The following HMCN1 variants were observed in gnomAD, a reference collection of about 807,000 sequenced individuals.
HMCN1 encodes hemicentin-1.
A neutral mutation model predicts 625.9 loss-of-function variants in HMCN1; 321 were observed. That is an observed-to-expected ratio of 0.51 (90% CI 0.47 to 0.56). The LOEUF (loss-of-function observed/expected upper bound fraction) is 0.56. HMCN1 is among the 20% of genes least tolerant of loss of function. The pLI is 0.00. For missense variants in HMCN1, 6,588 were observed against 6,887.3 expected (o/e 0.96, Z 1.54); for synonymous variants, 2,425 against 2,417.6 (o/e 1.00, Z -0.09).
At chr1:186,054,046 C>T (rs1657144643) in intron 44 of HMCN1, 60 bp downstream of exon 44, 1 of 1,495,998 alleles carries the variant, frequency 6.7e-7, no homozygotes, top group Non-Finnish European at 9.2e-7. Context: ...TCATCCTTCT[C>T]ATTTACTTTT....
At chr1:186,165,067 C>T in intron 97 of HMCN1, 44 bp from the exon 98 acceptor site, 1 of 1,549,520 alleles carries the variant, frequency 6.5e-7, no homozygotes, top group Non-Finnish European at 8.9e-7. Flanking sequence ...CCAGGGGCAA[C>T]TATTCCAATA....
At chr1:185,761,460 C>T (rs1655496574) in intron 1 of HMCN1, among the ~76,000 whole-genome samples, 1 of 152,138 alleles carries the variant, frequency 6.6e-6, no homozygotes, top group Non-Finnish European at 1.5e-5. Flanking sequence ...AAACCCTTTC[C>T]CCATGAGCCT....
At chr1:185,943,483 G>A (rs1253079473) in intron 11 of HMCN1, among the ~76,000 whole-genome samples, 1 of 152,184 alleles carries the variant, frequency 6.6e-6, no homozygotes, top group African/African-American at 2.4e-5. Flanking sequence ...CTGTTGAGTG[G>A]TATTAGAGTA....
chr1:186,130,188 T>C, intron 84 of HMCN1, 88 bp downstream of exon 84: 1 of 1,532,074 alleles, frequency 6.5e-7, no homozygotes, highest in Non-Finnish European at 9.0e-7. Context: ...TAATAAAATA[T>C]AACTTCAAGT....
At chr1:186,030,588 G>A (rs1036611557) in intron 36 of HMCN1, among the ~76,000 whole-genome samples, 1 of 151,820 alleles carries the variant, frequency 6.6e-6, no homozygotes, top group African/African-American at 2.4e-5. Context: ...TCTAAAGTGT[G>A]CTATTATAGG....
At chr1:186,003,896 G>A (rs752381173) in intron 29 of HMCN1, 52 bp downstream of exon 29, 4 of 1,562,322 alleles carry the variant, frequency 2.6e-6, no homozygotes, top group Non-Finnish European at 3.5e-6. Context: ...GGAAAAAGAT[G>A]TGAAAAATGC....
At chr1:186,042,340 T>G (rs1396773790) in intron 40 of HMCN1, among the ~76,000 whole-genome samples, 1 of 152,144 alleles carries the variant, frequency 6.6e-6, no homozygotes, top group Non-Finnish European at 1.5e-5. Context: ...TTGAGACTGA[T>G]TCATCAATCA....
rs557571774 is a variant in HMCN1, at chr1:186,060,083, A to T, written c.7313-1768A>T. Among the ~76,000 whole-genome samples, 160 of 152,186 alleles carry T rather than the reference A, an allele frequency of 1.1e-3. 1 individual carries two copies. The highest frequency in any genetic ancestry group is 3.7e-3 in the African/African-American group (155 of 41,562). On this transcript the variant is annotated intron_variant, in intron 46 of 106. Transcript: ENST00000271588. ...AGTAAACAAAATTTCTGTTTACTTAAATTCAATTGGGAAAAAAAGGCTAAA... is the reference window on the plus strand; with the variant it reads ...AGTAAACAAAATTTCTGTTTACTTATATTCAATTGGGAAAAAAAGGCTAAA...
At chr1:186,026,430 A>G (rs767298129) in intron 36 of HMCN1, among the ~76,000 whole-genome samples, 37 of 152,186 alleles carry the variant, frequency 2.4e-4, no homozygotes, top group Admixed American at 4.6e-4. Context: ...CAATAGCAGA[A>G]GTTACAGTAT....
intron 1 of HMCN1, among the ~76,000 whole-genome samples, chr1:185,821,301 AT>A (rs1186732696): frequency 6.6e-6 from 1 of 152,114 alleles, no homozygotes; most frequent in Non-Finnish European, 1.5e-5. Flanking sequence ...TTAGCTCTAA[AT>A]TTTGATTTAT....
At chr1:185,931,908 A>G (rs1003270485) in intron 10 of HMCN1, among the ~76,000 whole-genome samples, 1 of 152,218 alleles carries the variant, frequency 6.6e-6, no homozygotes, top group Non-Finnish European at 1.5e-5. Flanking sequence ...TGGCTTATCT[A>G]AAGTCACACA....
chr1:185,755,902 A>T (rs959688), intron 1 of HMCN1, among the ~76,000 whole-genome samples: 1 of 152,032 alleles, frequency 6.6e-6, no homozygotes, highest in African/African-American at 2.4e-5. Context: ...AAATCTTTCA[A>T]CTTGGGGTCT....
At chr1:185,762,276 T>G (rs1338268849) in intron 1 of HMCN1, among the ~76,000 whole-genome samples, 1 of 152,220 alleles carries the variant, frequency 6.6e-6, no homozygotes, top group Non-Finnish European at 1.5e-5. Context: ...TGGCAATCAT[T>G]TGTTTCAGTG....
intron 11 of HMCN1, among the ~76,000 whole-genome samples, chr1:185,937,634 C>T (rs966015929): frequency 2.0e-4 from 31 of 152,194 alleles, no homozygotes; most frequent in Admixed American, 1.3e-3. Context: ...GTAATCCCAG[C>T]ACTTTGGGAG....
At chr1:185,969,010 A>G (rs1388481402) in intron 14 of HMCN1, among the ~76,000 whole-genome samples, 4 of 152,228 alleles carry the variant, frequency 2.6e-5, no homozygotes, top group Non-Finnish European at 4.4e-5. Flanking sequence ...ATAGAAAGCT[A>G]CTAGCAAAAA....
chr1:185,965,993 T>A, intron 14 of HMCN1, 78 bp downstream of exon 14: 1 of 923,388 alleles, frequency 1.1e-6, no homozygotes, highest in African/African-American at 1.6e-5. Flanking sequence ...GTTAAAACTT[T>A]GTTTTGGTGT....
At chr1:185,903,507 G>C (rs939965178) in intron 4 of HMCN1, among the ~76,000 whole-genome samples, 1 of 151,444 alleles carries the variant, frequency 6.6e-6, no homozygotes, top group African/African-American at 2.4e-5. Flanking sequence ...CCTTTAGCAT[G>C]AGCATTTATG....
chr1:185,928,381 T>A (rs1667380565), intron 9 of HMCN1, among the ~76,000 whole-genome samples, 165 bp from the exon 10 acceptor site: 1 of 152,314 alleles, frequency 6.6e-6, no homozygotes, highest in Admixed American at 6.5e-5. Flanking sequence ...TCTAGTAAAA[T>A]ATAAATGGTG....
At chr1:186,050,426 A>G (rs1160940882) in intron 42 of HMCN1, among the ~76,000 whole-genome samples, 1 of 151,940 alleles carries the variant, frequency 6.6e-6, no homozygotes, top group Non-Finnish European at 1.5e-5. Context: ...ACCATATAAG[A>G]AGAGAGCTAG....
Sources: allele counts gnomAD v4.1 joint callset (sites outside exome capture counted in the v4.1 genomes callset), GRCh38; gene constraint gnomAD v4.1.1; transcripts MANE v1.5; gene names NCBI Gene and HGNC (gene_info 2026-07-23, HGNC 2026-07-21).